The following OPLAH variants were observed in gnomAD, a reference collection of about 807,000 sequenced individuals.
The protein encoded by OPLAH is 5-oxoprolinase.
OPLAH carries 103 observed loss-of-function variants against 122.8 expected under a neutral mutation model. That is an observed-to-expected ratio of 0.84 (90% CI 0.71 to 0.99). OPLAH has a LOEUF of 0.99. OPLAH is among the 50% of genes least tolerant of loss of function. The pLI is 0.00. For synonymous variants in OPLAH, 875 were observed against 796.0 expected (o/e 1.10, Z -1.67); for missense variants, 1,902 against 1,836.5 (o/e 1.04, Z -0.65).
chr8:144,058,922 G>A (rs375821895), intron 4 of OPLAH, 26 bp from the exon 5 acceptor site: 15 of 1,552,100 alleles, frequency 9.7e-6, no homozygotes, highest in Admixed American at 7.8e-5. Flanking sequence ...AGGAGGCCCC[G>A]TTAAAGGCCA....
In OPLAH at chr8:144,056,937, T is replaced by A; in HGVS notation, c.1706+11A>T. On this transcript the variant is annotated intron_variant, in intron 12 of 26. Transcript: ENST00000618853. ...CGTAAGCCCTCTGTCCAGGGCACCC[T>A]GGGAGCCCACCTGGGGAAGCCCTGG... The A allele has an allele frequency of 6.4e-7, 1 of 1,564,692 alleles. No individual in the cohort carries two copies. Among genetic ancestry groups the A allele is most frequent in the Non-Finnish European group, 8.6e-7 (1 of 1,158,384 alleles).
In OPLAH at chr8:144,058,884, TCC is replaced by T; in HGVS notation, c.474_475del (p.Asp159ProfsTer42). On this transcript the variant is annotated frameshift_variant, in exon 5 of 27. Coordinates refer to ENST00000618853, the MANE Select transcript of OPLAH (RefSeq NM_017570.5). LOFTEE classifies it high-confidence loss of function. Reference sequence around the variant, plus strand: ...CACAGGCTGCTGCACTTCCAGCAGGTCCCCCGTGCGGCCTTCCAGAAAAGCCC... The same window carrying T: ...CACAGGCTGCTGCACTTCCAGCAGGTCCCGTGCGGCCTTCCAGAAAAGCCC... The T allele has an allele frequency of 6.4e-7, 1 of 1,551,102 alleles. No homozygotes were observed. The highest frequency in any genetic ancestry group is 8.7e-7 in the Non-Finnish European group (1 of 1,146,724).
chr8:144,061,750 C>A (rs1298024907), upstream of OPLAH, among the ~76,000 whole-genome samples: 1 of 152,138 alleles, frequency 6.6e-6, no homozygotes, highest in Non-Finnish European at 1.5e-5. Context: ...CGGCCTGGCA[C>A]GGTGGCTCAC....
chr8:144,059,796 G>A lies in OPLAH; in HGVS notation c.172-6C>T, dbSNP rs1835623687. 6.2e-7 allele frequency: 1 copy of A among 1,608,608 alleles called. No individual in the cohort carries two copies. Among genetic ancestry groups the A allele is most frequent in the Non-Finnish European group, 8.5e-7 (1 of 1,178,446 alleles). On this transcript the variant is annotated splice_region_variant and splice_polypyrimidine_tract_variant and intron_variant, in intron 2 of 26. Coordinates refer to ENST00000618853, the MANE Select transcript of OPLAH (RefSeq NM_017570.5). ...GGCAGGAGCATGCCGGCCTCCTGGGGACCACGTGGTCAGTGTGGGGCTTCT... is the reference window on the plus strand; with the variant it reads ...GGCAGGAGCATGCCGGCCTCCTGGGAACCACGTGGTCAGTGTGGGGCTTCT...
chr8:144,058,218 C>T, intron 7 of OPLAH, 21 bp downstream of exon 7: 14 of 1,605,014 alleles, frequency 8.7e-6, no homozygotes, highest in Non-Finnish European at 1.2e-5. Flanking sequence ...TCCCCGAGAC[C>T]CCAGCCCTCG....
Position 144,060,061 on chromosome 8 carries a change from T to G in OPLAH, c.-29A>C, listed in dbSNP as rs781861989. On this transcript the variant is annotated 5_prime_UTR_variant, in exon 2 of 27. Transcript: ENST00000618853. Reference sequence around the variant, plus strand: ...GGTGGGGCTGGAGTCCCACAGGAGCTCTTCAGCTGGTAGCCCTGGAAAAAC... The same window carrying G: ...GGTGGGGCTGGAGTCCCACAGGAGCGCTTCAGCTGGTAGCCCTGGAAAAAC... The G allele has an allele frequency of 6.3e-7, 1 of 1,599,632 alleles. No individual in the cohort carries two copies. The highest frequency in any genetic ancestry group is 8.5e-7 in the Non-Finnish European group (1 of 1,172,812).
Position 144,052,448 on chromosome 8 carries a change from C to T in OPLAH, c.3303+1G>A. On this transcript the variant is annotated splice_donor_variant, in intron 23 of 26. Transcript: ENST00000618853. LOFTEE classifies it high-confidence loss of function. ...GAGCTGCGCCCACCCCGCCCCCGCA[C>T]CTGGGAGGCGGCGCAGGCCCCAAAG... is the stretch of plus-strand genomic sequence containing the variant. 1 of 1,535,786 alleles carries T rather than the reference C, an allele frequency of 6.5e-7. No individual in the cohort carries two copies.
rs1361995008 is a variant in OPLAH at position 144,051,292 on chromosome 8, C to A, written c.*34G>T. The stretch of plus-strand genomic sequence containing the variant: ...AGGCGCCGTAGCTGCGTCCCCAGAA[C>A]CGGGAGACTTAAGGCATCTTTATTG... On this transcript the variant is annotated 3_prime_UTR_variant, in exon 27 of 27. Transcript: ENST00000618853. 1 of 1,608,322 alleles carries A rather than the reference C, an allele frequency of 6.2e-7. No individual in the cohort carries two copies. Among genetic ancestry groups the A allele is most frequent in the African/African-American group, 1.3e-5 (1 of 74,414 alleles).
In OPLAH at chr8:144,059,987, C is replaced by T. The variant is rs1835629765; in HGVS notation, c.46G>A (p.Gly16Ser). The part of the protein sequence containing the change: ...GRFHFAIDRG[G>S]TFTDVFAQCP... Reference sequence around the variant, plus strand: ...TGGGCAAAGACGTCTGTGAAGGTACCCCCACGGTCGATGGCAAAGTGGAAG... The same window carrying T: ...TGGGCAAAGACGTCTGTGAAGGTACTCCCACGGTCGATGGCAAAGTGGAAG... Residue 16 changes from glycine (G) to serine (S), a missense_variant, in exon 2 of 27, where the codon GGT becomes AGT. Transcript: ENST00000618853. 1.2e-6 allele frequency: 2 copies of T among 1,612,598 alleles called. No homozygotes were observed. The highest frequency in any genetic ancestry group is 1.7e-6 in the Non-Finnish European group (2 of 1,179,824).
Position 144,054,755 on chromosome 8 carries a change from G to C in OPLAH, c.2512-20C>G, listed in dbSNP as rs782368652. On this transcript the variant is annotated intron_variant, in intron 18 of 26. Coordinates refer to ENST00000618853, the MANE Select transcript of OPLAH (RefSeq NM_017570.5). ...AAACACCTAGCGGGTGGAGAGCCAC[G>C]GTCAGCTGCATCGGCCACCACTGCC... The C allele has an allele frequency of 1.9e-6, 3 of 1,612,046 alleles. No individual in the cohort carries two copies. The highest frequency in any genetic ancestry group is 2.5e-6 in the Non-Finnish European group (3 of 1,179,786).
In OPLAH at chr8:144,055,841, T is replaced by C. The variant is rs1554758858; in HGVS notation, c.2195A>G (p.Gln732Arg). ...GATGGACAGCTGGATAGGGTCCAGCTGGGGGCCCACTGTGCCGGGGACTTC... is the reference window on the plus strand; with the variant it reads ...GATGGACAGCTGGATAGGGTCCAGCCGGGGGCCCACTGTGCCGGGGACTTC... ...GAEVPGTVGP[Q>R]LDPIQLSIFS... Residue 732 changes from glutamine (Q) to arginine (R), a missense_variant, in exon 16 of 27, where the codon CAG becomes CGG. Gln to Arg is a conservative substitution (Grantham distance 43). Around this residue, in one of 3 missense-constraint regions of OPLAH, gnomAD observed 1,726 missense variants for 1,642.1 expected, o/e 1.05. Transcript: ENST00000618853. The surrounding 1 kb of genome is among the most constrained non-coding windows in gnomAD (Gnocchi z 6.5). 1.3e-6 allele frequency: 2 copies of C among 1,575,028 alleles called. No individual in the cohort carries two copies. Among genetic ancestry groups the C allele is most frequent in the Non-Finnish European group, 1.7e-6 (2 of 1,160,986 alleles).
Position 144,059,790 on chromosome 8 carries a change from C to A in OPLAH, c.172G>T (p.Glu58Ter), listed in dbSNP as rs782329895. 6.2e-7 allele frequency: 1 copy of A among 1,608,610 alleles called. No individual in the cohort carries two copies. Among genetic ancestry groups the A allele is most frequent in the South Asian group, 1.1e-5 (1 of 90,984 alleles). ...TCCCGGGGCAGGAGCATGCCGGCCT[C>A]CTGGGGACCACGTGGTCAGTGTGGG... ...TEGIRRILEQEAGMLLPRDQP... is the reference protein window; with the variant it reads ...TEGIRRILEQ Residue 58 changes from glutamate (E) to a stop codon, truncating the protein, a stop_gained and splice_region_variant, in exon 3 of 27, where the codon GAG becomes TAG. Coordinates refer to ENST00000618853, the MANE Select transcript of OPLAH (RefSeq NM_017570.5). LOFTEE classifies it high-confidence loss of function.
In OPLAH at chr8:144,058,848, GC is replaced by G; in HGVS notation, c.511del (p.Ala171ProfsTer152). On this transcript the variant is annotated frameshift_variant, in exon 5 of 27. Transcript: ENST00000618853. LOFTEE classifies it high-confidence loss of function. ...CAGCCCCTCCAGCTTCCCACGCAGG[GC>G]CCCCAGGTCCACAGGCTGCTGCACT... ...LEVQQPVDLG[A>X]LRGKLEGLLS... 2 of 1,575,934 alleles carry G rather than the reference GC, an allele frequency of 1.3e-6. No homozygotes were observed. Among genetic ancestry groups the G allele is most frequent in the Non-Finnish European group, 8.6e-7 (1 of 1,161,980 alleles).
chr8:144,056,827 G>A, intron 12 of OPLAH, 72 bp from the exon 13 acceptor site: 1 of 1,528,610 alleles, frequency 6.5e-7, no homozygotes, highest in East Asian at 2.4e-5. Context: ...CGCCCGGCAA[G>A]GACACCTGTT....
upstream of OPLAH, among the ~76,000 whole-genome samples, chr8:144,061,648 C>G (rs1426416996): frequency 6.6e-6 from 1 of 152,224 alleles, no homozygotes; most frequent in Non-Finnish European, 1.5e-5. Flanking sequence ...AGCAACGGCA[C>G]GAAGTTACCC....
Position 144,059,341 on chromosome 8 carries a change from C to G in OPLAH, c.363+258G>C, listed in dbSNP as rs544464134. ...CAGTAGGTGCGGGGTTCCACCCCTC[C>G]TCTGCCTGAACAGGGTAGCTTGGGT... is the stretch of plus-strand genomic sequence containing the variant. On this transcript the variant is annotated intron_variant, in intron 3 of 26. Coordinates refer to ENST00000618853, the MANE Select transcript of OPLAH (RefSeq NM_017570.5). Among the ~76,000 whole-genome samples the G allele has an allele frequency of 2.0e-3, 310 of 152,360 alleles. 1 individual carries two copies. Among genetic ancestry groups the G allele is most frequent in the Non-Finnish European group, 3.4e-3 (228 of 68,034 alleles).
At chr8:144,052,368 C>G (rs1554757891) in intron 23 of OPLAH, 42 bp from the exon 24 acceptor site, 3 of 1,510,098 alleles carry the variant, frequency 2.0e-6, no homozygotes, top group Non-Finnish European at 2.6e-6. Context: ...TGGGGCAGGG[C>G]GTCCCCACCT....
Position 144,052,491 on chromosome 8 carries a change from C to T in OPLAH, c.3261G>A (p.Val1087=), listed in dbSNP as rs1166714778. ...GGNVLTSQRV[V]DVILGAFGAC... The stretch of plus-strand genomic sequence containing the variant: ...CCCCAAAGGCCCCCAGGATGACATC[C>T]ACCACGCGCTGCGACGTGAGCACGT... Residue 1087 remains valine (V), a synonymous_variant, in exon 23 of 27, where the codon GTG becomes GTA. Coordinates refer to ENST00000618853, the MANE Select transcript of OPLAH (RefSeq NM_017570.5). The T allele has an allele frequency of 1.4e-5, 22 of 1,565,262 alleles. No homozygotes were observed. The highest frequency in any genetic ancestry group is 1.9e-5 in the Non-Finnish European group (22 of 1,162,118).
At chr8:144,062,824 C>T (rs575614857), upstream of OPLAH, among the ~76,000 whole-genome samples, 2 of 152,190 alleles carry the variant, frequency 1.3e-5, no homozygotes, top group East Asian at 1.9e-4. Flanking sequence ...GACGAAACCT[C>T]TAAGGGCCTG....
Sources: allele counts gnomAD v4.1 joint callset (sites outside exome capture counted in the v4.1 genomes callset), GRCh38; gene constraint gnomAD v4.1.1; regional missense constraint gnomAD v4.1.1; non-coding constraint Gnocchi (gnomAD v3.1); transcripts MANE v1.5; gene names NCBI Gene and HGNC (gene_info 2026-07-23, HGNC 2026-07-21).